TNRC18: variants seen among roughly 807,000 people sequenced by gnomAD.
The protein encoded by TNRC18 is trinucleotide repeat containing 18.
TNRC18 carries 69 observed loss-of-function variants against 226.7 expected under a neutral mutation model. The ratio of observed to expected loss-of-function variants is 0.30; its 90% CI spans 0.25 to 0.37. TNRC18 has a LOEUF of 0.37. Among genes scored for constraint, TNRC18 ranks in the 10% least tolerant of loss-of-function variants. The pLI is 1.00. For missense variants in TNRC18, 4,754 were observed against 4,256.6 expected (o/e 1.12, Z -3.25); for synonymous variants, 2,449 against 1,927.6 (o/e 1.27, Z -7.09).
In TNRC18 at chr7:5,348,440, A is replaced by T. The variant is rs771484962; in HGVS notation, c.5471-2630T>A. Among the ~76,000 whole-genome samples the T allele has an allele frequency of 2.9e-4, 44 of 152,152 alleles. 1 individual carries two copies. The highest frequency in any genetic ancestry group is 2.2e-4 in the Non-Finnish European group (15 of 68,034). On this transcript the variant is annotated intron_variant, in intron 17 of 29. Transcript: ENST00000430969. ...AGGCTCGGATAGACAGACGGGGAAGACGGACAGCCAACTCCACAGTCTCCT... is the reference window on the plus strand; with the variant it reads ...AGGCTCGGATAGACAGACGGGGAAGTCGGACAGCCAACTCCACAGTCTCCT...
At chr7:5,313,978 T>C in intron 26 of TNRC18, 115 bp from the exon 27 acceptor site, 1 of 1,183,542 alleles carries the variant, frequency 8.4e-7, no homozygotes, top group East Asian at 2.8e-5. Flanking sequence ...TGTTTTTTTT[T>C]TGAGATGGGG....
At chr7:5,320,796 G>C (rs1327196368) in intron 22 of TNRC18, 189 bp from the exon 23 acceptor site, 7 of 629,830 alleles carry the variant, frequency 1.1e-5, no homozygotes, top group Non-Finnish European at 2.0e-5. Flanking sequence ...AGGACTAGGG[G>C]TTGCAAGGCA....
rs1294952198 is a variant in TNRC18, at chr7:5,377,403, T to C, written c.2429A>G (p.Asn810Ser). Reference sequence around the variant, plus strand: ...GTGTCCAGCGAGCCACATGGATGCGTTGCCCGAGCGGGGCAACCAGGGGTG... The same window carrying C: ...GTGTCCAGCGAGCCACATGGATGCGCTGCCCGAGCGGGGCAACCAGGGGTG... Reference protein sequence around the residue: ...ATHPWLPRSGNASMWLAGHPY... With the variant: ...ATHPWLPRSGSASMWLAGHPY... The change falls in exon 7 of 30, where the codon AAC (asparagine) becomes AGC (serine). Residue 810 changes from asparagine (N) to serine (S), a missense_variant. Physicochemically the swap from Asn to Ser is conservative, Grantham distance 46. Coordinates refer to ENST00000430969, the MANE Select transcript of TNRC18 (RefSeq NM_001080495.3). This position sits in a 1 kb window ranked among gnomAD's most constrained non-coding sequence, Gnocchi z 5.8. 5 of 1,499,998 alleles carry C rather than the reference T, an allele frequency of 3.3e-6. No individual in the cohort carries two copies. The highest frequency in any genetic ancestry group is 2.9e-5 in the East Asian group (1 of 34,988). The allele number at this position is 1,499,998 out of a possible 1,614,324, so 92.9% of individuals were successfully genotyped here. A position where few individuals can be genotyped will look rare whatever the true frequency, so the allele number is the denominator to read the frequency against.
intron 2 of TNRC18, among the ~76,000 whole-genome samples, chr7:5,397,226 C>T (rs1015043758): frequency 2.6e-5 from 4 of 152,194 alleles, no homozygotes; most frequent in Non-Finnish European, 4.4e-5. Flanking sequence ...TGCTGAGCCC[C>T]GGGCTTCCGC....
intron 11 of TNRC18, among the ~76,000 whole-genome samples, chr7:5,367,609 G>A (rs1244527535): frequency 6.6e-6 from 1 of 151,618 alleles, no homozygotes; most frequent in East Asian, 2.0e-4. Context: ...TGTATTTTTA[G>A]TAGAGATGGG....
chr7:5,320,337 G>A lies in TNRC18; in HGVS notation c.6726C>T (p.Tyr2242=). Residue 2242 remains tyrosine, a synonymous_variant, in exon 24 of 30, where the codon TAC becomes TAT. Coordinates refer to ENST00000430969, the MANE Select transcript of TNRC18 (RefSeq NM_001080495.3). ...AYWSQQYRCL[Y]PGTVVRGLLD... Reference sequence around the variant, plus strand: ...TCTCACCTCGGACCACAGTGCCTGGGTAGAGACAGCGGTACTGCTGGCTCC... The same window carrying A: ...TCTCACCTCGGACCACAGTGCCTGGATAGAGACAGCGGTACTGCTGGCTCC... 6.4e-7 allele frequency: 1 copy of A among 1,555,150 alleles called. No homozygotes were observed.
At position 5,345,693 on chromosome 7, in the gene TNRC18, C is replaced by G; in HGVS notation, c.5588G>C (p.Ser1863Thr). ...GAAGCGTGCCAGCAGGCCCAGCCCA[C>G]TCTCCTCCAGGCCCGGTGACAGGGC... is the stretch of plus-strand genomic sequence containing the variant. ...ERALSPGLEE[S>T]GLGLLARFAA... Residue 1863 changes from serine to threonine, a missense_variant, in exon 18 of 30, where the codon AGT becomes ACT. Ser to Thr is a moderately conservative substitution (Grantham distance 58, BLOSUM62 1). Transcript: ENST00000430969. 6.5e-7 allele frequency: 1 copy of G among 1,549,588 alleles called. No homozygotes were observed. The highest frequency in any genetic ancestry group is 8.7e-7 in the Non-Finnish European group (1 of 1,146,908).
intron 27 of TNRC18, among the ~76,000 whole-genome samples, chr7:5,311,401 C>T (rs1452085941): frequency 6.6e-6 from 1 of 152,234 alleles, no homozygotes; most frequent in Non-Finnish European, 1.5e-5. Context: ...GGCACATGAT[C>T]CTGGCCAGGC....
Position 5,376,147 on chromosome 7 carries a change from C to T in TNRC18, c.2686G>A (p.Ala896Thr), listed in dbSNP as rs1247985322. ...YPPGRSPLHH[A>T]QQLQLFSQQH... Reference sequence around the variant, plus strand: ...TGTGAGAAGAGCTGCAGCTGCTGGGCGTGGTGCAGGGGGCTGCGGCCCGGC... The same window carrying T: ...TGTGAGAAGAGCTGCAGCTGCTGGGTGTGGTGCAGGGGGCTGCGGCCCGGC... The change falls in exon 9 of 30, where the codon GCC becomes ACC. Residue 896 changes from alanine to threonine, a missense_variant. Ala to Thr is a moderately conservative substitution (Grantham distance 58, BLOSUM62 0). Coordinates refer to ENST00000430969, the MANE Select transcript of TNRC18 (RefSeq NM_001080495.3). 19 of 1,586,430 alleles carry T rather than the reference C, an allele frequency of 1.2e-5. No individual in the cohort carries two copies. Among genetic ancestry groups the T allele is most frequent in the Non-Finnish European group, 1.5e-5 (17 of 1,167,406 alleles).
Position 5,309,407 on chromosome 7 carries a change from A to C in TNRC18, c.8389-39T>G. ...TGTGTCACGGCACAGGCCCTGGCCCAGCCCCAAGGAGCCCGCCGCCTGGCA... is the reference window on the plus strand; with the variant it reads ...TGTGTCACGGCACAGGCCCTGGCCCCGCCCCAAGGAGCCCGCCGCCTGGCA... On this transcript the variant is annotated intron_variant, in intron 27 of 29. Coordinates refer to ENST00000430969, the MANE Select transcript of TNRC18 (RefSeq NM_001080495.3). This position sits in a 1 kb window ranked among gnomAD's most constrained non-coding sequence, Gnocchi z 5.7. 2.0e-6 allele frequency: 3 copies of C among 1,536,422 alleles called. No homozygotes were observed. Among genetic ancestry groups the C allele is most frequent in the Non-Finnish European group, 2.6e-6 (3 of 1,136,360 alleles).
intron 9 of TNRC18, among the ~76,000 whole-genome samples, chr7:5,375,141 C>G (rs1794530757): frequency 6.8e-6 from 1 of 146,196 alleles, no homozygotes; most frequent in South Asian, 2.1e-4. Context: ...CCCATCTCTA[C>G]TAAAAATAGA....
intron 10 of TNRC18, among the ~76,000 whole-genome samples, chr7:5,371,696 G>C (rs956280950): frequency 2.0e-5 from 3 of 152,220 alleles, no homozygotes; most frequent in Non-Finnish European, 4.4e-5. Context: ...AAGGCCTACA[G>C]CTGCCTTTAC....
At chr7:5,400,331 T>G (rs1264068804) in intron 2 of TNRC18, among the ~76,000 whole-genome samples, 1 of 152,006 alleles carries the variant, frequency 6.6e-6, no homozygotes, top group African/African-American at 2.4e-5. Context: ...AATTCAGAGC[T>G]GGGAGTGGTG....
chr7:5,398,932 G>C (rs558393602), intron 2 of TNRC18, among the ~76,000 whole-genome samples: 1 of 152,264 alleles, frequency 6.6e-6, no homozygotes, highest in South Asian at 2.1e-4. Context: ...CCATAAATGT[G>C]ATTTCCAATG....
chr7:5,372,376 C>T (rs774756969), intron 10 of TNRC18, among the ~76,000 whole-genome samples: 6 of 151,688 alleles, frequency 4.0e-5, no homozygotes, highest in South Asian at 4.2e-4. Context: ...TGTGCCCGGC[C>T]GTGCCCGGCT....
intron 3 of TNRC18, among the ~76,000 whole-genome samples, chr7:5,390,879 A>G (rs888472170): frequency 1.2e-4 from 18 of 151,712 alleles, no homozygotes; most frequent in African/African-American, 3.9e-4. Flanking sequence ...AATGGATCCA[A>G]CTAGCGGGGC....
At position 5,371,153 on chromosome 7, in the gene TNRC18, G is replaced by A; in HGVS notation, c.3441C>T (p.Gly1147=). 2 of 1,609,464 alleles carry A rather than the reference G, an allele frequency of 1.2e-6. No homozygotes were observed. The highest frequency in any genetic ancestry group is 1.7e-6 in the Non-Finnish European group (2 of 1,176,932). ...PSKITEPLRE[G]PEEEPLAERE... ...GCTCAGCCAGCGGTTCTTCCTCCGG[G>A]CCCTCCCGCAGCGGCTCTGTGATCT... The change falls in exon 11 of 30, where the codon GGC becomes GGT. Residue 1147 remains glycine, a synonymous_variant. Coordinates refer to ENST00000430969, the MANE Select transcript of TNRC18 (RefSeq NM_001080495.3).
Position 5,421,167 on chromosome 7 carries a change from C to G in TNRC18, c.80G>C (p.Ser27Thr). Residue 27 changes from serine to threonine, a missense_variant, in exon 2 of 30, where the codon AGC becomes ACC. Coordinates refer to ENST00000430969, the MANE Select transcript of TNRC18 (RefSeq NM_001080495.3). The part of the protein sequence containing the change: ...PPLLSGLAMD[S>T]HRVGAATAGR... ...GGCAGTGGCCGCGCCCACGCGGTGG[C>G]TGTCCATGGCCAGGCCGGACAGCAG... 2.1e-6 allele frequency: 3 copies of G among 1,420,172 alleles called. No individual in the cohort carries two copies. Among genetic ancestry groups the G allele is most frequent in the Non-Finnish European group, 2.8e-6 (3 of 1,084,210 alleles). The allele number at this position is 1,420,172 out of a possible 1,614,324, so 88.0% of individuals were successfully genotyped here. A position where few individuals can be genotyped will look rare whatever the true frequency, so the allele number is the denominator to read the frequency against.
chr7:5,349,666 C>G (rs1791577464), intron 17 of TNRC18, among the ~76,000 whole-genome samples: 1 of 152,212 alleles, frequency 6.6e-6, no homozygotes, highest in Non-Finnish European at 1.5e-5. Flanking sequence ...CTACTCCCAG[C>G]CTTCGCTTTG....
Sources: gnomAD v4.1 joint callset for allele counts (sites outside exome capture counted in the v4.1 genomes callset) on GRCh38, gnomAD v4.1.1 for gene constraint, Gnocchi (gnomAD v3.1) non-coding constraint, MANE v1.5 for transcripts, NCBI Gene and HGNC (gene_info 2026-07-23, HGNC 2026-07-21) for gene names.